CLCN5: variants seen among roughly 807,000 people sequenced by gnomAD.
The protein encoded by CLCN5 is H(+)/Cl(-) exchange transporter 5.
Under a neutral mutation model 54.0 loss-of-function variants are expected in CLCN5, and 17 were observed. The observed-to-expected ratio is 0.31, with a 90% confidence interval of 0.22 to 0.47. The LOEUF is 0.47. Ranked by LOEUF, CLCN5 falls within the 20% of genes least tolerant of loss-of-function variation. The pLI, the probability that CLCN5 is intolerant of heterozygous loss-of-function variation, is 1.00. For synonymous variants in CLCN5, 222 were observed against 233.0 expected, an observed-to-expected ratio of 0.95 and a Z score of 0.43; for missense variants, 448 against 646.7, an observed-to-expected ratio of 0.69 and a Z score of 3.33.
intron 6 of CLCN5, among the ~76,000 whole-genome samples, chrX:50,073,506 C>A (rs1557191743): frequency 9.0e-6 from 1 of 111,575 alleles, no homozygotes; most frequent in East Asian, 2.8e-4. Context: ...AATCAAAGTC[C>A]CTATGTTAGA....
chrX:49,992,208 C>CTT (rs200172433), intron 3 of CLCN5, among the ~76,000 whole-genome samples: 9 of 84,188 alleles, frequency 1.1e-4, no homozygotes, highest in Admixed American at 2.6e-4. Context: ...CTCTTTTTTT[C>CTT]TTTTTTTTTT....
At chrX:49,982,416 A>G (rs1288656217) in intron 3 of CLCN5, among the ~76,000 whole-genome samples, 1 of 111,474 alleles carries the variant, frequency 9.0e-6, no homozygotes, top group Non-Finnish European at 1.9e-5. Flanking sequence ...TGTTCAATTC[A>G]TCTGGTTTTA....
rs1930266745 is a variant in CLCN5 at position 50,007,575 on chromosome X, A to G, written c.17-34741A>G. Among the ~76,000 whole-genome samples, 3 of 109,799 alleles carry G rather than the reference A, an allele frequency of 2.7e-5. No homozygotes were observed. The Admixed American group carries it at 2.9e-4, about 11-fold the overall frequency. On this transcript the variant is annotated intron_variant, in intron 3 of 14. Coordinates refer to ENST00000376091, the MANE Select transcript of CLCN5 (RefSeq NM_001127898.4). ...TTGAAGGAGAACCTCATCAACTCAC[A>G]CGTGAGGAATTTAAGAGGATGAATC... is the stretch of plus-strand genomic sequence containing the variant.
At position 50,093,367 on chromosome X, in the gene CLCN5, G is replaced by T. The variant is rs369857401; in HGVS notation, c.*1148G>T. On this transcript the variant is annotated 3_prime_UTR_variant, in exon 15 of 15. Coordinates refer to ENST00000376091, the MANE Select transcript of CLCN5 (RefSeq NM_001127898.4). ...TGTTGTCCCCATGATCATGAATTAG[G>T]CTTGGGATGCTTCCAAATATATTCA... The T allele has an allele frequency of 8.9e-5, 10 of 112,026 alleles. No homozygotes were observed. The highest frequency in any genetic ancestry group is 1.7e-4 in the Non-Finnish European group (9 of 53,140). 9.2% of individuals were successfully genotyped at this position (112,026 alleles called of 1,213,427 possible).
chrX:50,085,846 T>A, intron 9 of CLCN5, 134 bp from the exon 10 acceptor site: 1 of 568,320 alleles, frequency 1.8e-6, no homozygotes, highest in Non-Finnish European at 3.0e-6. Context: ...GTTTGAATTT[T>A]GTTTTTGATG....
At chrX:50,036,453 T>C (rs1244971000) in intron 3 of CLCN5, among the ~76,000 whole-genome samples, 9 of 112,550 alleles carry the variant, frequency 8.0e-5, no homozygotes, top group Non-Finnish European at 3.7e-5. Context: ...TGGATTGTTC[T>C]GTCAGTGGGT....
At chrX:50,081,895 T>C (rs782543250) in intron 9 of CLCN5, 48 bp downstream of exon 9, 6 of 1,075,176 alleles carry the variant, frequency 5.6e-6, no homozygotes, top group Non-Finnish European at 7.7e-6. Flanking sequence ...TGAGCATAAA[T>C]GATACAATCT....
chrX:50,066,709 A>C (rs1557190938), intron 4 of CLCN5, among the ~76,000 whole-genome samples: 1 of 112,081 alleles, frequency 8.9e-6, no homozygotes, highest in Non-Finnish European at 1.9e-5. Flanking sequence ...ATTTATTGTC[A>C]GGCTAAAATA....
intron 3 of CLCN5, among the ~76,000 whole-genome samples, chrX:50,005,583 A>T (rs906220309): frequency 9.0e-6 from 1 of 111,724 alleles, no homozygotes; most frequent in African/African-American, 3.3e-5. Context: ...TCTAAAGAGG[A>T]TTTTTTAAAA....
intron 3 of CLCN5, chrX:49,945,299 A>G (rs782617473): frequency 8.9e-6 from 1 of 112,066 alleles, no homozygotes; most frequent in South Asian, 3.7e-4. Flanking sequence ...TAATGAGCCC[A>G]GAACCCACTT....
Position 50,092,087 on chromosome X carries a change from A to G in CLCN5, c.2361-42A>G, listed in dbSNP as rs191908220. Reference sequence around the variant, plus strand: ...CACCTTTGGGAATGCTATTTTAACTACAGATTTATTTTTGTTTTTTTGTAT... The same window carrying G: ...CACCTTTGGGAATGCTATTTTAACTGCAGATTTATTTTTGTTTTTTTGTAT... On this transcript the variant is annotated intron_variant, in intron 14 of 14. Coordinates refer to ENST00000376091, the MANE Select transcript of CLCN5 (RefSeq NM_001127898.4). The G allele has an allele frequency of 5.2e-4, 521 of 1,001,676 alleles. No individual in the cohort carries two copies. The African/African-American group carries it at 8.7e-3, about 17-fold the overall frequency. The allele number at this position is 1,001,676 out of a possible 1,213,427, so 82.5% of individuals were successfully genotyped here. A position where few individuals can be genotyped will look rare whatever the true frequency, so the allele number is the denominator to read the frequency against.
chrX:50,016,711 T>C (rs1930806894), intron 3 of CLCN5, among the ~76,000 whole-genome samples: 1 of 109,487 alleles, frequency 9.1e-6, no homozygotes, highest in Non-Finnish European at 1.9e-5. Context: ...GCCCTAAAAT[T>C]CCTCTGAGTT....
chrX:50,055,963 A>G (rs188987253), intron 4 of CLCN5, among the ~76,000 whole-genome samples: 1 of 110,362 alleles, frequency 9.1e-6, no homozygotes, highest in African/African-American at 3.3e-5. Flanking sequence ...GCTACTACAA[A>G]CAGTGCTGCA....
chrX:50,063,164 A>G (rs1557190210), intron 4 of CLCN5, among the ~76,000 whole-genome samples: 1 of 99,200 alleles, frequency 1.0e-5, no homozygotes, highest in African/African-American at 3.9e-5. Context: ...AAATCAGAGC[A>G]GAACTGAAGG....
intron 3 of CLCN5, among the ~76,000 whole-genome samples, chrX:49,961,679 C>T (rs1234416562): frequency 8.9e-6 from 1 of 112,230 alleles, no homozygotes; most frequent in Non-Finnish European, 1.9e-5. Context: ...ATGTAGACTC[C>T]TCTAGCCCTA....
chrX:49,944,521 G>A (rs1286702882), intron 3 of CLCN5, among the ~76,000 whole-genome samples: 1 of 111,825 alleles, frequency 8.9e-6, no homozygotes, highest in African/African-American at 3.3e-5. Flanking sequence ...TGCCCATTCA[G>A]TATGATATTG....
rs566587841 is a variant in CLCN5 at position 49,923,410 on chromosome X, A to G, written c.-201A>G. The G allele has an allele frequency of 8.9e-6, 1 of 112,705 alleles. No individual in the cohort carries two copies. The highest frequency in any genetic ancestry group is 3.2e-5 in the African/African-American group (1 of 30,969). The allele number at this position is 112,705 out of a possible 1,213,427, so 9.3% of individuals were successfully genotyped here. A position where few individuals can be genotyped will look rare whatever the true frequency, so the allele number is the denominator to read the frequency against. Reference sequence around the variant, plus strand: ...TTTCCTTTGATTAACATTTCAGAGCAAATCAGTTGCCTGGAGTTCCCAGTG... The same window carrying G: ...TTTCCTTTGATTAACATTTCAGAGCGAATCAGTTGCCTGGAGTTCCCAGTG... On this transcript the variant is annotated 5_prime_UTR_variant, in exon 2 of 15. Coordinates refer to ENST00000376091, the MANE Select transcript of CLCN5 (RefSeq NM_001127898.4).
At chrX:50,073,648 T>C (rs1011405256) in intron 6 of CLCN5, among the ~76,000 whole-genome samples, 12 of 111,943 alleles carry the variant, frequency 1.1e-4, no homozygotes, top group Non-Finnish European at 2.1e-4. Context: ...AGAATGTGAC[T>C]GTAGCAAATG....
At chrX:50,026,824 T>G (rs1245980539) in intron 3 of CLCN5, among the ~76,000 whole-genome samples, 1 of 111,274 alleles carries the variant, frequency 9.0e-6, no homozygotes, top group Admixed American at 9.5e-5. Flanking sequence ...CCGGCAACTT[T>G]GAAGATTTTT....
Sources: allele counts gnomAD v4.1 joint callset (sites outside exome capture counted in the v4.1 genomes callset), GRCh38; gene constraint gnomAD v4.1.1; transcripts MANE v1.5; gene names NCBI Gene and HGNC (gene_info 2026-07-23, HGNC 2026-07-21).